MAML2: variants seen among roughly 807,000 people sequenced by gnomAD.
The protein encoded by MAML2 is mastermind-like protein 2.
A neutral mutation model predicts 96.1 loss-of-function variants in MAML2; 22 were observed. That is an observed-to-expected ratio of 0.23 (90% CI 0.16 to 0.33). The LOEUF (loss-of-function observed/expected upper bound fraction) is 0.33. Ranked by LOEUF, MAML2 falls within the 10% of genes least tolerant of loss-of-function variation. The pLI is 1.00. For synonymous variants in MAML2, 561 were observed against 521.3 expected (o/e 1.08, Z -1.04); for missense variants, 1,367 against 1,392.4 (o/e 0.98, Z 0.29).
chr11:96,081,145 G>A (rs1046855449), intron 2 of MAML2, among the ~76,000 whole-genome samples: 2 of 152,094 alleles, frequency 1.3e-5, no homozygotes, highest in African/African-American at 4.8e-5. Context: ...AGGAGGATAA[G>A]GGATGAAAGA....
In MAML2 at chr11:96,268,840, C is replaced by A. The variant is rs139617738; in HGVS notation, c.513+72543G>T. 1.4e-5 allele frequency among the ~76,000 whole-genome samples: 2 copies of A among 145,376 alleles called. 1 individual carries two copies. The highest frequency in any genetic ancestry group is 5.2e-5 in the African/African-American group (2 of 38,176). ...TTTGCCTTCTGCCATAACTGTAAGG[C>A]CTCCCTCACTATGCAGAACTGTGAG... is the stretch of plus-strand genomic sequence containing the variant. On this transcript the variant is annotated intron_variant, in intron 1 of 4. Coordinates refer to ENST00000524717, the MANE Select transcript of MAML2 (RefSeq NM_032427.4).
chr11:96,315,559 T>C (rs1162249286), intron 1 of MAML2, among the ~76,000 whole-genome samples: 2 of 152,246 alleles, frequency 1.3e-5, no homozygotes, highest in Admixed American at 1.3e-4. Flanking sequence ...TCCTGTTTTT[T>C]TCATAGAGCT....
At chr11:96,255,981 C>T (rs563183923) in intron 1 of MAML2, among the ~76,000 whole-genome samples, 1 of 148,070 alleles carries the variant, frequency 6.8e-6, no homozygotes, top group Non-Finnish European at 1.5e-5. Context: ...TCAAGCGATT[C>T]TCCTCCCTCA....
intron 1 of MAML2, among the ~76,000 whole-genome samples, chr11:96,244,518 A>G (rs1862486076): frequency 6.6e-6 from 1 of 152,238 alleles, no homozygotes; most frequent in African/African-American, 2.4e-5. Flanking sequence ...CTTAAATTAA[A>G]AATGGTTTAT....
At chr11:96,175,574 T>A (rs1280906074) in intron 1 of MAML2, among the ~76,000 whole-genome samples, 2 of 152,112 alleles carry the variant, frequency 1.3e-5, no homozygotes, top group Non-Finnish European at 2.9e-5. Flanking sequence ...CTTTCTGAAA[T>A]CTCAGTTCTT....
rs541581811 is a variant in MAML2, at chr11:96,259,607, C to T, written c.513+81776G>A. Reference sequence around the variant, plus strand: ...GCAAAATCCATTGTATGCAATAATCCAGTGGCTCCTTCAAACTCAATCAGG... The same window carrying T: ...GCAAAATCCATTGTATGCAATAATCTAGTGGCTCCTTCAAACTCAATCAGG... On this transcript the variant is annotated intron_variant, in intron 1 of 4. Coordinates refer to ENST00000524717, the MANE Select transcript of MAML2 (RefSeq NM_032427.4). 3.9e-5 allele frequency among the ~76,000 whole-genome samples: 6 copies of T among 152,312 alleles called. No individual in the cohort carries two copies. In the South Asian group the frequency reaches 1.2e-3, roughly 32 times the overall value.
intron 1 of MAML2, among the ~76,000 whole-genome samples, chr11:96,124,185 C>T (rs77745638): frequency 0.012 from 1,764 of 151,184 alleles, 37 homozygotes; most frequent in African/African-American, 0.04. Context: ...CTGATTCCTA[C>T]ACTATTTCCT....
chr11:96,270,570 A>G (rs1862903107), intron 1 of MAML2, among the ~76,000 whole-genome samples: 1 of 152,098 alleles, frequency 6.6e-6, no homozygotes, highest in Non-Finnish European at 1.5e-5. Flanking sequence ...TGGCCTCCAA[A>G]AGTGCTGGGA....
intron 1 of MAML2, among the ~76,000 whole-genome samples, chr11:96,226,866 A>G (rs182390985): frequency 6.6e-5 from 10 of 152,220 alleles, no homozygotes; most frequent in Admixed American, 6.5e-4. Context: ...TCCCCTAAAA[A>G]CTTTAAATTT....
intron 2 of MAML2, among the ~76,000 whole-genome samples, chr11:96,081,649 C>T (rs1311766871): frequency 6.6e-6 from 1 of 152,142 alleles, no homozygotes; most frequent in Non-Finnish European, 1.5e-5. Context: ...ATTATTTTAT[C>T]GGAGGGTGCT....
intron 1 of MAML2, among the ~76,000 whole-genome samples, chr11:96,306,420 G>A (rs938611531): frequency 6.6e-6 from 1 of 152,166 alleles, no homozygotes; most frequent in African/African-American, 2.4e-5. Flanking sequence ...ACTGCAAAAA[G>A]GGGACTGAAC....
In MAML2 at chr11:96,092,210, TTGCTGCTGCTGCTGCTGCTGCTGC is replaced by T. The variant is rs60727839; in HGVS notation, c.1797_1820del (p.Gln614_Gln621del). 5.9e-5 allele frequency: 86 copies of T among 1,462,946 alleles called. 1 individual carries two copies. The highest frequency in any genetic ancestry group is 3.4e-4 in the South Asian group (28 of 81,288). The allele number at this position is 1,462,946 out of a possible 1,614,324, so 90.6% of individuals were successfully genotyped here. Reference sequence around the variant, plus strand: ...GTTGCTGTTGCTGCTGCTGCTGCTGTTGCTGCTGCTGCTGCTGCTGCTGCTGCTGCTGCTGCTGCTGTTGCTGCT... The same window carrying T: ...GTTGCTGTTGCTGCTGCTGCTGCTGTTGCTGCTGCTGCTGCTGTTGCTGCT... On this transcript the variant is annotated inframe_deletion, in exon 2 of 5. Transcript: ENST00000524717. The surrounding 1 kb of genome is among the most constrained non-coding windows in gnomAD (Gnocchi z 4.1).
chr11:96,305,553 G>A (rs984404683), intron 1 of MAML2, among the ~76,000 whole-genome samples: 2 of 152,152 alleles, frequency 1.3e-5, no homozygotes, highest in African/African-American at 4.8e-5. Flanking sequence ...TAATGAGACA[G>A]GATGTATTCT....
intron 1 of MAML2, among the ~76,000 whole-genome samples, chr11:96,139,303 C>T (rs1314202144): frequency 6.6e-6 from 1 of 152,010 alleles, no homozygotes; most frequent in Non-Finnish European, 1.5e-5. Context: ...CAGTGTAACC[C>T]TGTCTCTACT....
intron 1 of MAML2, among the ~76,000 whole-genome samples, chr11:96,311,313 T>G: frequency 6.6e-6 from 1 of 152,224 alleles, no homozygotes. Flanking sequence ...AGCTGGATAG[T>G]CACACTCACT....
chr11:96,016,923 G>A (rs142303873), intron 2 of MAML2, among the ~76,000 whole-genome samples: 25 of 152,276 alleles, frequency 1.6e-4, no homozygotes, highest in African/African-American at 5.8e-4. Context: ...TCAGCCAAAT[G>A]TTGCTAGTAA....
At chr11:96,046,637 G>A (rs1858907224) in intron 2 of MAML2, among the ~76,000 whole-genome samples, 1 of 152,214 alleles carries the variant, frequency 6.6e-6, no homozygotes, top group African/African-American at 2.4e-5. Context: ...AGAAGGCCCT[G>A]AGGAGGACAG....
At chr11:96,159,592 A>T (rs1382857914) in intron 1 of MAML2, among the ~76,000 whole-genome samples, 1 of 151,582 alleles carries the variant, frequency 6.6e-6, no homozygotes, top group East Asian at 1.9e-4. Flanking sequence ...TGCCCAGCTA[A>T]TTTTTGTATT....
At chr11:96,316,696 C>T (rs1489949046) in intron 1 of MAML2, among the ~76,000 whole-genome samples, 2 of 152,250 alleles carry the variant, frequency 1.3e-5, no homozygotes, top group South Asian at 4.2e-4. Flanking sequence ...CTAAGTGCAA[C>T]AGGAGGCTAC....
Sources: gnomAD v4.1 joint callset for allele counts (sites outside exome capture counted in the v4.1 genomes callset) on GRCh38, gnomAD v4.1.1 for gene constraint, Gnocchi (gnomAD v3.1) non-coding constraint, MANE v1.5 for transcripts, NCBI Gene and HGNC (gene_info 2026-07-23, HGNC 2026-07-21) for gene names.